DDO: variants seen among roughly 807,000 people sequenced by gnomAD.
DDO encodes D-aspartate oxidase, DDO.
DDO carries 16 observed loss-of-function variants against 16.8 expected under a neutral mutation model. The observed-to-expected ratio is 0.95, with a 90% CI of 0.65 to 1.45. DDO has a LOEUF of 1.45. DDO is among the 40% of genes most tolerant of loss of function. DDO has a pLI of 0.00. For missense variants in DDO, 429 were observed against 420.3 expected (o/e 1.02, Z -0.18); for synonymous variants, 180 against 167.2 (o/e 1.08, Z -0.59).
At chr6:110,407,578 A>G (rs1196854525) in intron 3 of DDO, among the ~76,000 whole-genome samples, 1 of 152,254 alleles carries the variant, frequency 6.6e-6, no homozygotes, top group African/African-American at 2.4e-5. Context: ...ATCACACAGG[A>G]TAACACATGT....
Position 110,413,349 on chromosome 6 carries a change from A to G in DDO, c.114T>C (p.Phe38=). ...CCACATCACTGGTGGTATCTGGAGT[A>G]AACTTGTCTGAAATGATGGTAACGG... is the stretch of plus-strand genomic sequence containing the variant. ...RCSVTIISDK[F]TPDTTSDVAA... Residue 38 remains phenylalanine, a synonymous_variant, in exon 2 of 5, where the codon TTT becomes TTC. Coordinates refer to ENST00000368924, the MANE Select transcript of DDO (RefSeq NM_001372108.2). The G allele has an allele frequency of 6.2e-7, 1 of 1,614,176 alleles. No homozygotes were observed. Among genetic ancestry groups the G allele is most frequent in the Non-Finnish European group, 8.5e-7 (1 of 1,180,024 alleles).
chr6:110,405,062 A>T, intron 3 of DDO, 112 bp from the exon 4 acceptor site: 18 of 1,084,158 alleles, frequency 1.7e-5, no homozygotes, highest in Non-Finnish European at 2.1e-5. Flanking sequence ...TTTGAGACAG[A>T]GTCTCACTCC....
At chr6:110,399,359 A>G (rs1412360177) in intron 4 of DDO, among the ~76,000 whole-genome samples, 1 of 152,230 alleles carries the variant, frequency 6.6e-6, no homozygotes, top group Non-Finnish European at 1.5e-5. Context: ...TTTGAGTGAG[A>G]ACACTGAAGG....
chr6:110,404,410 T>C (rs1446563898), intron 4 of DDO, among the ~76,000 whole-genome samples: 1 of 151,994 alleles, frequency 6.6e-6, no homozygotes, highest in Non-Finnish European at 1.5e-5. Flanking sequence ...TTAGAGTAAA[T>C]CATATCATTC....
intron 4 of DDO, among the ~76,000 whole-genome samples, chr6:110,402,460 T>A (rs1221129378): frequency 6.6e-6 from 1 of 151,824 alleles, no homozygotes; most frequent in Non-Finnish European, 1.5e-5. Flanking sequence ...AGGTCAGGAG[T>A]TCGAGACCAG....
At chr6:110,404,995 A>ATTTC in intron 3 of DDO, 45 bp from the exon 4 acceptor site, 7 of 1,532,676 alleles carry the variant, frequency 4.6e-6, no homozygotes, top group African/African-American at 1.4e-5. Flanking sequence ...TTTGTGAAAT[A>ATTTC]ACATATTTCT....
Position 110,399,703 on chromosome 6 carries a change from G to A in DDO, c.458+5071C>T, listed in dbSNP as rs139307011. 6.8e-3 allele frequency among the ~76,000 whole-genome samples: 1,042 copies of A among 152,348 alleles called. 10 individuals carry two copies. The highest frequency in any genetic ancestry group is 0.024 in the African/African-American group (1,003 of 41,586). On this transcript the variant is annotated intron_variant, in intron 4 of 4. Coordinates refer to ENST00000368924, the MANE Select transcript of DDO (RefSeq NM_001372108.2). ...GGGCTGCAGGGAGCTAATCTGCATG[G>A]CCAGGGGCCACCGGGCGCTGTCTGT...
At position 110,403,044 on chromosome 6, in the gene DDO, C is replaced by G. The variant is rs114427055; in HGVS notation, c.458+1730G>C. 1.3e-3 allele frequency among the ~76,000 whole-genome samples: 203 copies of G among 152,148 alleles called. 2 individuals carry two copies. Among genetic ancestry groups the G allele is most frequent in the African/African-American group, 4.7e-3 (197 of 41,514 alleles). On this transcript the variant is annotated intron_variant, in intron 4 of 4. Transcript: ENST00000368924. The stretch of plus-strand genomic sequence containing the variant: ...ACTTCAGCCCAAACCACTAATAATA[C>G]CAAAAAAAGTTAAACTCCTTAATGA...
intron 4 of DDO, among the ~76,000 whole-genome samples, chr6:110,401,302 A>G (rs889764279): frequency 7.2e-5 from 11 of 152,200 alleles, no homozygotes; most frequent in Admixed American, 2.6e-4. Context: ...AAGAGAAAAG[A>G]CAATTTCTTT....
intron 1 of DDO, among the ~76,000 whole-genome samples, chr6:110,414,924 G>C (rs1215734885): frequency 1.3e-5 from 2 of 152,170 alleles, no homozygotes; most frequent in African/African-American, 4.8e-5. Flanking sequence ...GAAAAACGTG[G>C]GCTTGGTTGT....
chr6:110,408,851 C>G (rs1773751478), intron 2 of DDO, among the ~76,000 whole-genome samples: 1 of 152,228 alleles, frequency 6.6e-6, no homozygotes, highest in African/African-American at 2.4e-5. Context: ...GGACCAAGGA[C>G]AGAGGGCCTC....
rs997671332 is a variant in DDO at position 110,413,424 on chromosome 6, C to G, written c.39G>C (p.Val13=). 2.5e-6 allele frequency: 4 copies of G among 1,613,918 alleles called. No homozygotes were observed. The highest frequency in any genetic ancestry group is 3.4e-6 in the Non-Finnish European group (4 of 1,180,026). The change falls in exon 2 of 5, where the codon GTG becomes GTC. Residue 13 remains valine, a synonymous_variant. Transcript: ENST00000368924. ...TGCACACAGCCGTGGAGAGCCCCAC[C>G]ACACCTGCCCCGACAACTGCAATCC... ...TARIAVVGAG[V]VGLSTAVCIS... is the part of the protein sequence containing the mutation.
In DDO at chr6:110,392,860, T is replaced by G; in HGVS notation, c.941A>C (p.His314Pro). Residue 314 changes from histidine (H) to proline (P), a missense_variant, in exon 5 of 5, where the codon CAC becomes CCC. Physicochemically the swap from His to Pro is moderately conservative, Grantham distance 77. Transcript: ENST00000368924. ...YGHGSGGISV[H>P]WGTALEAARL... ...GGCGGCCTCCAGAGCAGTGCCCCAG[T>G]GCACTGAGATGCCCCCACTCCCATG... is the stretch of plus-strand genomic sequence containing the variant. 1 of 1,614,058 alleles carries G rather than the reference T, an allele frequency of 6.2e-7. No individual in the cohort carries two copies. Among genetic ancestry groups the G allele is most frequent in the Non-Finnish European group, 8.5e-7 (1 of 1,180,002 alleles).
chr6:110,406,235 C>T (rs570867111), intron 3 of DDO, among the ~76,000 whole-genome samples: 25 of 152,278 alleles, frequency 1.6e-4, no homozygotes, highest in African/African-American at 5.8e-4. Context: ...ATGTTACCTA[C>T]TCCCCACTAG....
At chr6:110,395,311 T>C (rs1340086840) in intron 4 of DDO, among the ~76,000 whole-genome samples, 1 of 152,064 alleles carries the variant, frequency 6.6e-6, no homozygotes, top group Non-Finnish European at 1.5e-5. Flanking sequence ...ACATTGGCTT[T>C]TTCCTCTTTT....
At chr6:110,405,071 C>A in intron 3 of DDO, 121 bp from the exon 4 acceptor site, 3 of 1,019,828 alleles carry the variant, frequency 2.9e-6, no homozygotes, top group Non-Finnish European at 4.2e-6. Flanking sequence ...GAGTCTCACT[C>A]CATCACCCAG....
intron 4 of DDO, among the ~76,000 whole-genome samples, chr6:110,396,952 G>A (rs977378417): frequency 6.6e-6 from 1 of 152,200 alleles, no homozygotes; most frequent in African/African-American, 2.4e-5. Context: ...GTAATACTGA[G>A]CAGCATGTTT....
At chr6:110,393,790 A>G (rs2114806894) in intron 4 of DDO, among the ~76,000 whole-genome samples, 1 of 152,268 alleles carries the variant, frequency 6.6e-6, no homozygotes, top group East Asian at 1.9e-4. Context: ...CCCTAACTAA[A>G]AGGTACAGGG....
chr6:110,397,072 C>A lies in DDO; in HGVS notation c.459-3730G>T, dbSNP rs73763054. On this transcript the variant is annotated intron_variant, in intron 4 of 4. Transcript: ENST00000368924. The stretch of plus-strand genomic sequence containing the variant: ...ATATGACCTCGGCCAAGTTATTCCA[C>A]TTCTCTAAACTTTAATCTTATATCC... Among the ~76,000 whole-genome samples the A allele has an allele frequency of 9.3e-3, 1,419 of 152,294 alleles. 19 individuals are homozygous for A. Among genetic ancestry groups the A allele is most frequent in the African/African-American group, 0.032 (1,331 of 41,552 alleles).
Sources: gnomAD v4.1 joint callset for allele counts (sites outside exome capture counted in the v4.1 genomes callset) on GRCh38, gnomAD v4.1.1 for gene constraint, MANE v1.5 for transcripts, NCBI Gene and HGNC (gene_info 2026-07-23, HGNC 2026-07-21) for gene names.